The following NEDD4L variants were observed in gnomAD, a reference collection of about 807,000 sequenced individuals.
NEDD4L encodes the protein E3 ubiquitin-protein ligase NEDD4-like.
Under a neutral mutation model 148.9 loss-of-function variants are expected in NEDD4L, and 54 were observed. That is an observed-to-expected ratio of 0.36 (90% CI 0.29 to 0.45). The LOEUF is 0.45. Among genes scored for constraint, NEDD4L ranks in the 20% least tolerant of loss-of-function variants. The pLI, the probability that NEDD4L is intolerant of heterozygous loss-of-function variation, is 1.00. For synonymous variants in NEDD4L, 433 were observed against 440.7 expected (o/e 0.98, Z 0.22); for missense variants, 856 against 1,233.8 (o/e 0.69, Z 4.59).
chr18:58,053,876 G>A (rs1218359962), intron 1 of NEDD4L, among the ~76,000 whole-genome samples: 1 of 152,188 alleles, frequency 6.6e-6, no homozygotes, highest in African/African-American at 2.4e-5. Flanking sequence ...GTTGGAAAAT[G>A]CAAAGCCAAT....
chr18:58,317,201 G>C lies in NEDD4L; in HGVS notation c.348+1169G>C, dbSNP rs539969491. 9.4e-4 allele frequency among the ~76,000 whole-genome samples: 143 copies of C among 152,354 alleles called. 1 individual carries two copies. Among genetic ancestry groups the C allele is most frequent in the African/African-American group, 3.1e-3 (130 of 41,586 alleles). ...GTTTGTTTCTTTTTAAAACTCTGAA[G>C]CTCCAGGGTGCCACGGGAGGGGCCT... On this transcript the variant is annotated intron_variant, in intron 6 of 30. Transcript: ENST00000400345.
At chr18:58,190,876 A>G (rs2040029351) in intron 2 of NEDD4L, among the ~76,000 whole-genome samples, 1 of 152,238 alleles carries the variant, frequency 6.6e-6, no homozygotes, top group South Asian at 2.1e-4. Context: ...CTAAAATCCC[A>G]GCACTTTAGG....
intron 1 of NEDD4L, among the ~76,000 whole-genome samples, chr18:58,157,406 G>A (rs2035636728): frequency 6.6e-6 from 1 of 152,082 alleles, no homozygotes; most frequent in African/African-American, 2.4e-5. Context: ...GTCAGCCAGT[G>A]TTACCAGTTT....
intron 1 of NEDD4L, among the ~76,000 whole-genome samples, chr18:58,123,847 C>T (rs1169402781): frequency 1.3e-5 from 2 of 152,294 alleles, no homozygotes; most frequent in East Asian, 3.9e-4. Context: ...GCTCCTGTCT[C>T]ACTCAGGCCC....
intron 2 of NEDD4L, among the ~76,000 whole-genome samples, chr18:58,222,583 C>T (rs138681976): frequency 1.0e-3 from 157 of 152,174 alleles, no homozygotes; most frequent in African/African-American, 3.4e-3. Context: ...CATGGTGATT[C>T]ATAAACTGTT....
chr18:58,262,345 C>T (rs1312277449), intron 5 of NEDD4L, among the ~76,000 whole-genome samples: 1 of 152,146 alleles, frequency 6.6e-6, no homozygotes, highest in Admixed American at 6.6e-5. Context: ...TTAAGAAATG[C>T]TGGCTGGGCA....
chr18:58,163,893 A>G (rs999191435), intron 1 of NEDD4L, among the ~76,000 whole-genome samples: 2 of 152,106 alleles, frequency 1.3e-5, no homozygotes, highest in Non-Finnish European at 2.9e-5. Context: ...TTGCCCTGCC[A>G]TTGTTCTCTT....
intron 1 of NEDD4L, among the ~76,000 whole-genome samples, chr18:58,103,506 G>A (rs1256210796): frequency 2.0e-5 from 3 of 152,040 alleles, no homozygotes; most frequent in East Asian, 3.9e-4. Flanking sequence ...GTCAGAATCC[G>A]TGGCCAATCA....
At position 58,316,032 on chromosome 18, in the gene NEDD4L, G is replaced by A. The variant is rs1296841354; in HGVS notation, c.348G>A (p.Pro116=). 7.4e-6 allele frequency: 12 copies of A among 1,612,108 alleles called. No individual in the cohort carries two copies. The highest frequency in any genetic ancestry group is 2.2e-5 in the East Asian group (1 of 44,882). The change falls in exon 6 of 31, where the codon CCG becomes CCA. Residue 116 remains proline, a splice_region_variant and synonymous_variant. Transcript: ENST00000400345. ...GQVDVPLSHL[P]TEDPTMERPY... is the part of the protein sequence containing the mutation. ...TGGACGTGCCCCTTAGTCACCTTCCGGTAAGGACAGTCTCATGTTTGATGC... is the reference window on the plus strand; with the variant it reads ...TGGACGTGCCCCTTAGTCACCTTCCAGTAAGGACAGTCTCATGTTTGATGC...
intron 1 of NEDD4L, among the ~76,000 whole-genome samples, chr18:58,123,902 A>G (rs1361018595): frequency 1.3e-5 from 2 of 151,542 alleles, no homozygotes; most frequent in African/African-American, 2.4e-5. Context: ...CAAGGATGTC[A>G]CTCCTGCAGT....
intron 1 of NEDD4L, among the ~76,000 whole-genome samples, chr18:58,083,118 C>G (rs1438073181): frequency 6.6e-6 from 1 of 152,010 alleles, no homozygotes; most frequent in African/African-American, 2.4e-5. Flanking sequence ...CATTTAATAC[C>G]AGTAAAGGCT....
chr18:58,076,684 G>A (rs2083176710), intron 1 of NEDD4L, among the ~76,000 whole-genome samples: 1 of 151,990 alleles, frequency 6.6e-6, no homozygotes, highest in Non-Finnish European at 1.5e-5. Flanking sequence ...TGGAACTCCT[G>A]TTTCAGTGGT....
At chr18:58,356,397 T>A (rs1344196981) in intron 18 of NEDD4L, among the ~76,000 whole-genome samples, 2 of 151,164 alleles carry the variant, frequency 1.3e-5, no homozygotes, top group Admixed American at 6.6e-5. Context: ...TCCATTGCAC[T>A]CTCTCTCCCT....
At chr18:58,385,720 C>T (rs1050677854) in intron 26 of NEDD4L, 134 bp downstream of exon 26, 9 of 709,570 alleles carry the variant, frequency 1.3e-5, no homozygotes, top group African/African-American at 7.0e-5. Context: ...GCAGGAAGAC[C>T]GGGATCGCAC....
In NEDD4L at chr18:58,359,605, CTTTGCCCACCATTGG is replaced by C. The variant is rs530849574; in HGVS notation, c.1767+2371_1767+2385del. 1.6e-3 allele frequency among the ~76,000 whole-genome samples: 251 copies of C among 152,306 alleles called. 5 individuals carry two copies. The East Asian group carries it at 0.027, about 16-fold the overall frequency. The stretch of plus-strand genomic sequence containing the variant: ...AATTTTACCAAATGTAGACAAATTT[CTTTGCCCACCATTGG>C]TTTGCCCACCATTGGTTCTTCCATC... On this transcript the variant is annotated intron_variant, in intron 19 of 30. Coordinates refer to ENST00000400345, the MANE Select transcript of NEDD4L (RefSeq NM_001144967.3).
In NEDD4L at chr18:58,055,269, C is replaced by A. The variant is rs71355674; in HGVS notation, c.48+10561C>A. Among the ~76,000 whole-genome samples, 1,054 of 151,996 alleles carry A rather than the reference C, an allele frequency of 6.9e-3. 6 individuals carry two copies. Among genetic ancestry groups the A allele is most frequent in the Middle Eastern group, 0.017 (5 of 294 alleles). ...CCCAGGAGTTCAAGACCAGCCTGGG[C>A]AACATAGTGAGACTCTGTCTCTATA... On this transcript the variant is annotated intron_variant, in intron 1 of 30. Coordinates refer to ENST00000400345, the MANE Select transcript of NEDD4L (RefSeq NM_001144967.3).
chr18:58,145,038 C>T (rs937065882), intron 1 of NEDD4L, among the ~76,000 whole-genome samples: 1 of 152,164 alleles, frequency 6.6e-6, no homozygotes, highest in Non-Finnish European at 1.5e-5. Flanking sequence ...ACCACTGGGC[C>T]AGGTGACCTG....
chr18:58,329,138 C>T lies in NEDD4L; in HGVS notation c.813+11C>T, dbSNP rs747629442. ...GGGGATGTCCCCGAGGTACGATGTC[C>T]CCAGAATGGTGCAAAGCCCGGCAGC... On this transcript the variant is annotated intron_variant, in intron 10 of 30. Transcript: ENST00000400345. 35 of 1,613,138 alleles carry T rather than the reference C, an allele frequency of 2.2e-5. No homozygotes were observed. Among genetic ancestry groups the T allele is most frequent in the Non-Finnish European group, 2.8e-5 (33 of 1,179,576 alleles).
At chr18:58,330,384 A>T (rs781260055) in intron 10 of NEDD4L, among the ~76,000 whole-genome samples, 6 of 152,194 alleles carry the variant, frequency 3.9e-5, no homozygotes, top group Non-Finnish European at 7.3e-5. Context: ...TTTTGCCCAC[A>T]CATATAGTAA....
Sources: allele counts gnomAD v4.1 joint callset (sites outside exome capture counted in the v4.1 genomes callset), GRCh38; gene constraint gnomAD v4.1.1; transcripts MANE v1.5; gene names NCBI Gene and HGNC (gene_info 2026-07-23, HGNC 2026-07-21).